Variants in PCDHA6 observed in about 807,000 individuals in gnomAD.
The protein encoded by PCDHA6 is protocadherin alpha 6.
In PCDHA6, 55 loss-of-function variants were observed where a neutral mutation model predicts 60.3. The ratio of observed to expected loss-of-function variants is 0.91; its 90% CI spans 0.73 to 1.14. The LOEUF is 1.14. PCDHA6 is among the 50% of genes most tolerant of loss of function. PCDHA6 has a pLI of 0.00. For missense variants in PCDHA6, 1,327 were observed against 1,256.5 expected (o/e 1.06, Z -0.85); for synonymous variants, 652 against 557.9 (o/e 1.17, Z -2.38).
intron 1 of PCDHA6, among the ~76,000 whole-genome samples, chr5:140,959,626 AAG>A (rs529579902): frequency 6.2e-4 from 95 of 152,334 alleles, no homozygotes; most frequent in African/African-American, 2.0e-3. Context: ...GATAGAAAAA[AAG>A]AGAGAAAAAA....
rs2150354067 is a variant in PCDHA6 at position 140,843,158 on chromosome 5, C to A, written c.2394+12673C>A. On this transcript the variant is annotated intron_variant, in intron 1 of 3. Transcript: ENST00000529310. ...CGCGTGGCTTTCGTATGAGCTGCAG[C>A]CAGCTGCAAGCAGCCCTCGCATCCC... is the stretch of plus-strand genomic sequence containing the variant. The A allele has an allele frequency of 1.0e-4, 163 of 1,596,026 alleles. 13 individuals carry two copies. In the South Asian group the frequency reaches 1.7e-3, roughly 16 times the overall value.
chr5:140,835,826 C>A, intron 1 of PCDHA6: 1 of 1,612,456 alleles, frequency 6.2e-7, no homozygotes, highest in East Asian at 2.2e-5. Flanking sequence ...CGGCGGGGGA[C>A]GCGGACGCGC....
intron 3 of PCDHA6, among the ~76,000 whole-genome samples, chr5:141,002,467 G>A (rs1266754067): frequency 6.6e-6 from 1 of 152,202 alleles, no homozygotes; most frequent in African/African-American, 2.4e-5. Context: ...TAACGCTTTA[G>A]CATTTTCAAA....
chr5:140,969,257 A>G, intron 1 of PCDHA6: 1 of 1,614,220 alleles, frequency 6.2e-7, no homozygotes, highest in Non-Finnish European at 8.5e-7. Context: ...TGACAGCAGG[A>G]ATCTCACAGG....
rs193081186 is a variant in PCDHA6, at chr5:140,886,365, A to G, written c.2394+55880A>G. Among the ~76,000 whole-genome samples the G allele has an allele frequency of 3.1e-3, 466 of 152,304 alleles. 3 individuals carry two copies. Among genetic ancestry groups the G allele is most frequent in the Middle Eastern group, 0.014 (4 of 294 alleles). On this transcript the variant is annotated intron_variant, in intron 1 of 3. Transcript: ENST00000529310. Reference sequence around the variant, plus strand: ...GTGCAGGTTTGTTACATAGGTGTACATGCCATGGTGTGCTTATCTATTATC... The same window carrying G: ...GTGCAGGTTTGTTACATAGGTGTACGTGCCATGGTGTGCTTATCTATTATC...
In PCDHA6 at chr5:141,010,661, C is replaced by T. The variant is rs1331706826; in HGVS notation, c.*724C>T. ...AACAGTTCAGTGTTTTAACAGAGAA[C>T]CACCCTGGGAAACAGAAGCAGATCT... On this transcript the variant is annotated 3_prime_UTR_variant, in exon 4 of 4. Transcript: ENST00000529310. 6.0e-6 allele frequency: 1 copy of T among 166,290 alleles called. No homozygotes were observed. Among genetic ancestry groups the T allele is most frequent in the Non-Finnish European group, 1.3e-5 (1 of 76,066 alleles). 10.3% of individuals were successfully genotyped at this position (166,290 alleles called of 1,614,324 possible).
chr5:140,842,639 A>C, intron 1 of PCDHA6: 1 of 1,595,430 alleles, frequency 6.3e-7, no homozygotes, highest in Non-Finnish European at 8.6e-7. Flanking sequence ...GGCCACCGCC[A>C]GCTTGTCTGT....
In PCDHA6 at chr5:140,968,189, T is replaced by G. The variant is rs181004208; in HGVS notation, c.2395-10760T>G. The G allele has an allele frequency of 2.2e-5, 35 of 1,614,034 alleles. No individual in the cohort carries two copies. The Admixed American group carries it at 4.2e-4, about 19-fold the overall frequency. On this transcript the variant is annotated intron_variant, in intron 1 of 3. Coordinates refer to ENST00000529310, the MANE Select transcript of PCDHA6 (RefSeq NM_018909.4). ...ACCAAGCTTCCTGGAGGACTCCTAT[T>G]CCATCTACATACAGGAGAACAATTT... is the stretch of plus-strand genomic sequence containing the variant.
chr5:140,941,939 T>C (rs2153657014), intron 1 of PCDHA6, among the ~76,000 whole-genome samples: 1 of 152,358 alleles, frequency 6.6e-6, no homozygotes, highest in African/African-American at 2.4e-5. Context: ...TTTGAATTAC[T>C]TTTGTTTTGA....
At chr5:140,863,829 T>A (rs2048195193) in intron 1 of PCDHA6, 1 of 199,822 alleles carries the variant, frequency 5.0e-6, no homozygotes, top group East Asian at 1.2e-4. Flanking sequence ...TGAAACTCCA[T>A]CTCTACTAAA....
intron 1 of PCDHA6, chr5:140,860,593 T>C (rs782239381): frequency 6.6e-6 from 1 of 152,050 alleles, no homozygotes. Flanking sequence ...GGAAAGGAGT[T>C]GGAAGCTCAC....
rs2098420479 is a variant in PCDHA6, at chr5:141,011,408, T to TAC, written c.*1472_*1473insCA. 6.5e-6 allele frequency: 1 copy of TAC among 153,814 alleles called. No individual in the cohort carries two copies. The highest frequency in any genetic ancestry group is 2.4e-5 in the African/African-American group (1 of 41,476). 9.5% of individuals were successfully genotyped at this position (153,814 alleles called of 1,614,324 possible). ...GAAATATACTTACTCTGTGCTTGTG[T>TAC]ATGTGAATGTTAATGCAACTATTAC... On this transcript the variant is annotated 3_prime_UTR_variant, in exon 4 of 4. Coordinates refer to ENST00000529310, the MANE Select transcript of PCDHA6 (RefSeq NM_018909.4).
intron 1 of PCDHA6, chr5:140,857,764 G>T (rs552891884): frequency 6.3e-7 from 1 of 1,597,520 alleles, no homozygotes; most frequent in Non-Finnish European, 8.6e-7. Flanking sequence ...CTGGCAGCGC[G>T]GGCGGTGCAG....
At chr5:140,975,795 CT>C (rs1219508800) in intron 1 of PCDHA6, among the ~76,000 whole-genome samples, 2 of 151,168 alleles carry the variant, frequency 1.3e-5, no homozygotes, top group Non-Finnish European at 1.5e-5. Flanking sequence ...TAAATTAAAT[CT>C]TTTTTATAAT....
At chr5:140,923,423 G>T (rs533295733) in intron 1 of PCDHA6, among the ~76,000 whole-genome samples, 1 of 152,260 alleles carries the variant, frequency 6.6e-6, no homozygotes, top group East Asian at 1.9e-4. Context: ...GGCTACTTGG[G>T]AGGCTGGGGT....
intron 3 of PCDHA6, among the ~76,000 whole-genome samples, chr5:141,007,754 T>C (rs991882656): frequency 6.6e-6 from 1 of 152,172 alleles, no homozygotes; most frequent in African/African-American, 2.4e-5. Flanking sequence ...AACTTTGGAC[T>C]CTTATTGGCC....
At chr5:140,940,572 C>G (rs1315567614) in intron 1 of PCDHA6, among the ~76,000 whole-genome samples, 1 of 152,096 alleles carries the variant, frequency 6.6e-6, no homozygotes, top group African/African-American at 2.4e-5. Context: ...CCTTGGCTCC[C>G]AAAGTGTTGG....
At chr5:140,927,556 A>G (rs1428283255) in intron 1 of PCDHA6, 15 of 1,614,022 alleles carry the variant, frequency 9.3e-6, no homozygotes, top group African/African-American at 1.3e-5. Flanking sequence ...AGTCACCATC[A>G]TTGTGGTGGA....
chr5:140,876,408 G>C (rs781814727), intron 1 of PCDHA6: 1 of 1,613,942 alleles, frequency 6.2e-7, no homozygotes, highest in South Asian at 1.1e-5. Flanking sequence ...ATTTTGAAGA[G>C]AATAATGCCT....
Sources: allele counts gnomAD v4.1 joint callset (sites outside exome capture counted in the v4.1 genomes callset), GRCh38; gene constraint gnomAD v4.1.1; transcripts MANE v1.5; gene names NCBI Gene and HGNC (gene_info 2026-07-23, HGNC 2026-07-21).